Variants in ARHGAP32 observed in about 807,000 individuals in gnomAD.
ARHGAP32 encodes the protein rho GTPase-activating protein 32.
ARHGAP32 carries 51 observed loss-of-function variants against 186.5 expected under a neutral mutation model. The ratio of observed to expected loss-of-function variants is 0.27; its 90% CI spans 0.22 to 0.35. ARHGAP32 has a LOEUF of 0.35. ARHGAP32 is among the 10% of genes least tolerant of loss of function. ARHGAP32 has a pLI of 1.00. For synonymous variants in ARHGAP32, 950 were observed against 964.3 expected (o/e 0.99, Z 0.27); for missense variants, 2,186 against 2,623.5 (o/e 0.83, Z 3.64).
intron 5 of ARHGAP32, among the ~76,000 whole-genome samples, chr11:129,122,237 T>C (rs1942549388): frequency 6.6e-6 from 1 of 152,072 alleles, no homozygotes; most frequent in Non-Finnish European, 1.5e-5. Context: ...TTCTTTGGAC[T>C]GTTTTTAGAT....
intron 1 of ARHGAP32, among the ~76,000 whole-genome samples, chr11:129,172,686 G>C (rs766500918): frequency 6.6e-6 from 1 of 152,164 alleles, no homozygotes; most frequent in Non-Finnish European, 1.5e-5. Flanking sequence ...ACCTGCTCCT[G>C]AATGACTCCT....
At chr11:129,022,069 G>T (rs139322608) in intron 11 of ARHGAP32, among the ~76,000 whole-genome samples, 121 of 152,092 alleles carry the variant, frequency 8.0e-4, no homozygotes, top group African/African-American at 2.7e-3. Flanking sequence ...AAGCTTAAAA[G>T]CTAGTACTAT....
intron 1 of ARHGAP32, among the ~76,000 whole-genome samples, chr11:129,229,236 T>A (rs536384952): frequency 6.6e-6 from 1 of 152,166 alleles, no homozygotes; most frequent in Non-Finnish European, 1.5e-5. Context: ...CTTCATTAAC[T>A]TACTAACCTC....
chr11:129,090,607 A>G (rs753080068), intron 6 of ARHGAP32, among the ~76,000 whole-genome samples: 5 of 152,184 alleles, frequency 3.3e-5, no homozygotes, highest in Non-Finnish European at 5.9e-5. Context: ...GAAGGAAAAG[A>G]TCAAAACAAG....
intron 1 of ARHGAP32, among the ~76,000 whole-genome samples, chr11:129,227,279 C>G (rs1433527675): frequency 2.0e-5 from 3 of 151,506 alleles, no homozygotes; most frequent in African/African-American, 7.3e-5. Context: ...TACTAAAATA[C>G]AAGATAAGGA....
At chr11:129,140,574 C>T (rs1943030262) in intron 2 of ARHGAP32, among the ~76,000 whole-genome samples, 2 of 152,252 alleles carry the variant, frequency 1.3e-5, no homozygotes, top group Admixed American at 1.3e-4. Context: ...GATGTAAAGC[C>T]TCAGAAGCTT....
intron 11 of ARHGAP32, among the ~76,000 whole-genome samples, chr11:129,027,796 A>G (rs1565383316): frequency 6.6e-6 from 1 of 152,048 alleles, no homozygotes; most frequent in African/African-American, 2.4e-5. Context: ...TATATTGTTT[A>G]TTTATTTATT....
At chr11:128,987,599 GGGGA>G (rs1331700231) in intron 13 of ARHGAP32, among the ~76,000 whole-genome samples, 2 of 152,148 alleles carry the variant, frequency 1.3e-5, no homozygotes, top group African/African-American at 4.8e-5. Flanking sequence ...GAGAAGATTT[GGGGA>G]GGATGTGAAA....
chr11:129,151,641 A>G (rs1943291000), intron 2 of ARHGAP32, among the ~76,000 whole-genome samples: 1 of 152,232 alleles, frequency 6.6e-6, no homozygotes, highest in African/African-American at 2.4e-5. Flanking sequence ...AATGAAATCA[A>G]CATGGAAATT....
chr11:129,248,494 C>T (rs900389997), intron 1 of ARHGAP32, among the ~76,000 whole-genome samples: 1 of 152,184 alleles, frequency 6.6e-6, no homozygotes, highest in South Asian at 2.1e-4. Context: ...AACTCCTGAA[C>T]AAAACATCTT....
At chr11:128,982,474 C>CGTAT (rs1945731455) in intron 15 of ARHGAP32, among the ~76,000 whole-genome samples, 1 of 147,362 alleles carries the variant, frequency 6.8e-6, no homozygotes, top group Non-Finnish European at 1.5e-5. Flanking sequence ...AGGTAAGTGC[C>CGTAT]GTGTGTGTGT....
At position 129,234,554 on chromosome 11, in the gene ARHGAP32, A is replaced by C. The variant is rs183575488; in HGVS notation, c.-5+44592T>G. 4.0e-3 allele frequency among the ~76,000 whole-genome samples: 605 copies of C among 152,288 alleles called. 2 individuals carry two copies. The highest frequency in any genetic ancestry group is 9.9e-3 in the South Asian group (48 of 4,830). On this transcript the variant is annotated intron_variant, in intron 1 of 6. Coordinates refer to the ARHGAP32 transcript ENST00000525234. Reference sequence around the variant, plus strand: ...AACACTGACAAAGTTAAAATATATCAATATAATCTATATATCTGCAAGAAG... The same window carrying C: ...AACACTGACAAAGTTAAAATATATCCATATAATCTATATATCTGCAAGAAG...
rs761244519 is a variant in ARHGAP32 at position 128,969,648 on chromosome 11, A to G, written c.5565T>C (p.His1855=). The G allele has an allele frequency of 2.0e-5, 33 of 1,613,902 alleles. No individual in the cohort carries two copies. The highest frequency in any genetic ancestry group is 2.7e-5 in the Non-Finnish European group (32 of 1,180,020). The part of the protein sequence containing the change: ...HPEAEMDRAH[H]HGGHGSTQPE... ...GCTGCGTGCTACCATGGCCTCCGTG[A>G]TGGTGGGCTCTGTCCATCTCTGCCT... Residue 1855 remains histidine, a synonymous_variant, in exon 23 of 23, where the codon CAT becomes CAC. Transcript: ENST00000682385. The surrounding 1 kb of genome is among the most constrained non-coding windows in gnomAD (Gnocchi z 4.8).
intron 19 of ARHGAP32, 125 bp from the exon 20 acceptor site, chr11:128,976,759 T>G (rs1788603099): frequency 1.3e-6 from 1 of 758,946 alleles, no homozygotes; most frequent in Non-Finnish European, 2.3e-6. Flanking sequence ...TTGACAGCAA[T>G]TTAGTACTCT....
At chr11:129,114,721 T>C (rs1048566003) in intron 5 of ARHGAP32, among the ~76,000 whole-genome samples, 1 of 152,154 alleles carries the variant, frequency 6.6e-6, no homozygotes, top group African/African-American at 2.4e-5. Flanking sequence ...CCTTCATCTA[T>C]TAGAAATGGC....
At chr11:129,036,301 A>G (rs1939333219) in intron 11 of ARHGAP32, among the ~76,000 whole-genome samples, 1 of 145,200 alleles carries the variant, frequency 6.9e-6, no homozygotes, top group Non-Finnish European at 1.5e-5. Context: ...AATCGCTTGA[A>G]CCTAGGAGGC....
intron 12 of ARHGAP32, among the ~76,000 whole-genome samples, chr11:128,990,997 GTATTT>G (rs1946030559): frequency 6.6e-6 from 1 of 152,094 alleles, no homozygotes; most frequent in Non-Finnish European, 1.5e-5. Context: ...TCAGAGCACA[GTATTT>G]TATTTCCATA....
intron 1 of ARHGAP32, among the ~76,000 whole-genome samples, chr11:129,216,958 G>A (rs924160153): frequency 1.1e-4 from 17 of 151,806 alleles, no homozygotes; most frequent in African/African-American, 4.1e-4. Context: ...TGTTCCAAGA[G>A]AACTTGAAAA....
At chr11:129,079,505 G>A (rs1049618975) in intron 6 of ARHGAP32, among the ~76,000 whole-genome samples, 2 of 151,982 alleles carry the variant, frequency 1.3e-5, no homozygotes, top group Non-Finnish European at 1.5e-5. Flanking sequence ...ACTAAGCTTC[G>A]TAAATGAAAG....
Sources: gnomAD v4.1 joint callset for allele counts (sites outside exome capture counted in the v4.1 genomes callset) on GRCh38, gnomAD v4.1.1 for gene constraint, Gnocchi (gnomAD v3.1) non-coding constraint, MANE v1.5 for transcripts, NCBI Gene and HGNC (gene_info 2026-07-23, HGNC 2026-07-21) for gene names.